VRK1: variants seen among roughly 807,000 people sequenced by gnomAD.
VRK1 encodes the protein serine/threonine-protein kinase VRK1.
Under a neutral mutation model 57.1 loss-of-function variants are expected in VRK1, and 33 were observed. The ratio of observed to expected loss-of-function variants is 0.58; its 90% CI spans 0.44 to 0.77. The LOEUF is 0.77. VRK1 is among the 30% of genes least tolerant of loss of function. The probability of loss-of-function intolerance (pLI) is 0.00; values close to 1 mark genes in which losing one functional copy is unlikely to be tolerated. For missense variants in VRK1, 413 were observed against 477.3 expected (o/e 0.87, Z 1.25); for synonymous variants, 137 against 147.8 (o/e 0.93, Z 0.53).
intron 1 of VRK1, among the ~76,000 whole-genome samples, chr14:96,803,145 A>C (rs1354896268): frequency 2.7e-5 from 4 of 150,240 alleles, no homozygotes; most frequent in African/African-American, 9.8e-5. Context: ...AGTGACCCCA[A>C]GTGCAAGACT....
chr14:96,824,765 T>C (rs1480396822), intron 1 of VRK1, among the ~76,000 whole-genome samples: 1 of 151,520 alleles, frequency 6.6e-6, no homozygotes, highest in Non-Finnish European at 1.5e-5. Context: ...ACCATTCTCC[T>C]GCCTCAGTCT....
chr14:96,858,933 G>A (rs927570692), intron 10 of VRK1: 1 of 152,164 alleles, frequency 6.6e-6, no homozygotes, highest in African/African-American at 2.4e-5. Context: ...CCACCTCCAA[G>A]TTTGCTGGAA....
intron 1 of VRK1, among the ~76,000 whole-genome samples, chr14:96,823,479 C>T (rs1016754812): frequency 2.0e-5 from 3 of 152,138 alleles, no homozygotes; most frequent in Non-Finnish European, 2.9e-5. Flanking sequence ...GAAAAAAATA[C>T]CAATTGTAAT....
intron 3 of VRK1, among the ~76,000 whole-genome samples, chr14:96,842,046 T>A (rs1369390366): frequency 6.6e-6 from 1 of 152,200 alleles, no homozygotes; most frequent in East Asian, 1.9e-4. Flanking sequence ...TAAATGTGTT[T>A]ATTCTGTCTC....
At chr14:96,834,664 A>C (rs769721777) in intron 2 of VRK1, among the ~76,000 whole-genome samples, 1 of 152,136 alleles carries the variant, frequency 6.6e-6, no homozygotes, top group Non-Finnish European at 1.5e-5. Flanking sequence ...CTAGTGCTTT[A>C]TCATATTTTA....
chr14:96,833,390 G>T, intron 1 of VRK1, 77 bp from the exon 2 acceptor site: 1 of 1,568,934 alleles, frequency 6.4e-7, no homozygotes, highest in Non-Finnish European at 8.7e-7. Context: ...TCTCCGTACG[G>T]AAGTTTTCCT....
chr14:96,803,017 TTGTCCAGCATATCCACAC>T (rs1885724723), intron 1 of VRK1, among the ~76,000 whole-genome samples: 1 of 152,162 alleles, frequency 6.6e-6, no homozygotes, highest in African/African-American at 2.4e-5. Context: ...AATCATCCCT[TTGTCCAGCATATCCACAC>T]TGTATACACT....
Position 96,881,261 on chromosome 14 carries a change from C to A in VRK1, c.*53C>A. 6.6e-7 allele frequency: 1 copy of A among 1,510,636 alleles called. No individual in the cohort carries two copies. The highest frequency in any genetic ancestry group is 9.0e-7 in the Non-Finnish European group (1 of 1,105,418). 93.6% of individuals were successfully genotyped at this position (1,510,636 alleles called of 1,614,324 possible). ...TTCTTTGTTTTCTTTTGACTTTTTT[C>A]TCCTTTTCTATTTGAACTGTTTTAT... is the stretch of plus-strand genomic sequence containing the variant. On this transcript the variant is annotated 3_prime_UTR_variant, in exon 13 of 13. Coordinates refer to ENST00000216639, the MANE Select transcript of VRK1 (RefSeq NM_003384.3).
At chr14:96,873,686 C>A (rs1281404966) in intron 11 of VRK1, among the ~76,000 whole-genome samples, 1 of 152,114 alleles carries the variant, frequency 6.6e-6, no homozygotes, top group African/African-American at 2.4e-5. Flanking sequence ...CAAAATGAAG[C>A]ATTTGGAAAG....
chr14:96,836,745 C>G (rs1887231966), intron 2 of VRK1, among the ~76,000 whole-genome samples: 1 of 152,060 alleles, frequency 6.6e-6, no homozygotes, highest in Non-Finnish European at 1.5e-5. Flanking sequence ...CCAGGCTGGT[C>G]TCGGAACTCC....
chr14:96,873,929 C>A (rs1025693493), intron 11 of VRK1, among the ~76,000 whole-genome samples: 4 of 152,192 alleles, frequency 2.6e-5, no homozygotes, highest in African/African-American at 9.7e-5. Flanking sequence ...GTAATGCATA[C>A]TGCTTAAAGC....
chr14:96,861,493 C>T (rs942158137), intron 11 of VRK1, among the ~76,000 whole-genome samples: 41 of 152,004 alleles, frequency 2.7e-4, no homozygotes, highest in African/African-American at 9.4e-4. Flanking sequence ...ATTTTTTTTA[C>T]ATTATTAACC....
At chr14:96,859,614 G>A (rs559065945) in intron 10 of VRK1, among the ~76,000 whole-genome samples, 12 of 152,218 alleles carry the variant, frequency 7.9e-5, no homozygotes, top group African/African-American at 2.9e-4. Flanking sequence ...CATAGGAGGT[G>A]CTTAATAAAT....
At chr14:96,875,587 A>AT (rs1392647459) in intron 11 of VRK1, among the ~76,000 whole-genome samples, 2 of 152,146 alleles carry the variant, frequency 1.3e-5, no homozygotes, top group South Asian at 2.1e-4. Context: ...CAAGACATAC[A>AT]TTTTTTCCAT....
intron 1 of VRK1, among the ~76,000 whole-genome samples, chr14:96,828,142 T>C (rs1010533049): frequency 2.2e-5 from 3 of 135,306 alleles, no homozygotes; most frequent in African/African-American, 5.0e-5. Flanking sequence ...TCCGTCTTAC[T>C]ATATTCATTT....
At chr14:96,809,579 T>TA (rs1185644277) in intron 1 of VRK1, among the ~76,000 whole-genome samples, 1 of 151,250 alleles carries the variant, frequency 6.6e-6, no homozygotes, top group African/African-American at 2.4e-5. Context: ...TCTTTTTTTT[T>TA]TTTTTTTTTC....
intron 1 of VRK1, among the ~76,000 whole-genome samples, chr14:96,807,454 C>T (rs912356862): frequency 2.6e-5 from 4 of 152,180 alleles, no homozygotes; most frequent in Non-Finnish European, 5.9e-5. Context: ...TGGCTTTCCT[C>T]TTTTTAAAAA....
intron 3 of VRK1, among the ~76,000 whole-genome samples, chr14:96,839,203 G>A (rs983914946): frequency 6.6e-6 from 1 of 151,210 alleles, no homozygotes; most frequent in Non-Finnish European, 1.5e-5. Context: ...CGTTTTAATG[G>A]TTCATCCATA....
At chr14:96,876,717 C>A (rs1168991740) in intron 12 of VRK1, among the ~76,000 whole-genome samples, 2 of 134,618 alleles carry the variant, frequency 1.5e-5, no homozygotes, top group Non-Finnish European at 3.2e-5. Flanking sequence ...TTTTTTTGAA[C>A]AAGTTAAGAG....
Sources: gnomAD v4.1 joint callset for allele counts (sites outside exome capture counted in the v4.1 genomes callset) on GRCh38, gnomAD v4.1.1 for gene constraint, MANE v1.5 for transcripts, NCBI Gene and HGNC (gene_info 2026-07-23, HGNC 2026-07-21) for gene names.